Variants in NEGR1 observed in about 807,000 individuals in gnomAD.
The protein encoded by NEGR1 is neuronal growth regulator 1.
NEGR1 carries 10 observed loss-of-function variants against 40.9 expected under a neutral mutation model. The observed-to-expected ratio is 0.24, with a 90% CI of 0.15 to 0.42. The LOEUF (loss-of-function observed/expected upper bound fraction) is 0.42. Among genes scored for constraint, NEGR1 ranks in the 10% least tolerant of loss-of-function variants. The pLI is 1.00. For synonymous variants in NEGR1, 185 were observed against 166.8 expected (o/e 1.11, Z -0.84); for missense variants, 352 against 438.9 (o/e 0.80, Z 1.77).
chr1:71,508,674 TCA>T (rs1483617547), intron 6 of NEGR1, among the ~76,000 whole-genome samples: 1 of 152,212 alleles, frequency 6.6e-6, no homozygotes, highest in African/African-American at 2.4e-5. Context: ...CAGTAGGGCA[TCA>T]CCCTGCCGCA....
chr1:72,276,160 T>G (rs1431279799), intron 1 of NEGR1, among the ~76,000 whole-genome samples: 2 of 152,042 alleles, frequency 1.3e-5, no homozygotes, highest in African/African-American at 4.8e-5. Context: ...ATTTCTGCAA[T>G]TTTGAAACAA....
intron 1 of NEGR1, among the ~76,000 whole-genome samples, chr1:72,247,770 A>C (rs1297523610): frequency 1.3e-5 from 2 of 151,994 alleles, no homozygotes; most frequent in Admixed American, 6.6e-5. Flanking sequence ...TTATTGTCCC[A>C]CCTACAGTAC....
intron 1 of NEGR1, chr1:72,274,585 G>A: frequency 1.3e-6 from 1 of 775,096 alleles, no homozygotes. Context: ...GGCAAGATAT[G>A]GCGAAAGCCC....
At chr1:72,220,150 C>A (rs1653963486) in intron 1 of NEGR1, among the ~76,000 whole-genome samples, 1 of 151,844 alleles carries the variant, frequency 6.6e-6, no homozygotes, top group Non-Finnish European at 1.5e-5. Context: ...TCTATAGTTA[C>A]AATTACCAAT....
chr1:72,102,553 T>C (rs1648986752), intron 1 of NEGR1, among the ~76,000 whole-genome samples: 1 of 152,052 alleles, frequency 6.6e-6, no homozygotes, highest in South Asian at 2.1e-4. Flanking sequence ...CCTAGGTCGG[T>C]AATCATGCTG....
chr1:71,851,750 CTTTG>C (rs1273825754), intron 2 of NEGR1, among the ~76,000 whole-genome samples: 1 of 151,924 alleles, frequency 6.6e-6, no homozygotes, highest in Non-Finnish European at 1.5e-5. Flanking sequence ...CTATTTACTT[CTTTG>C]TTTGCTCATT....
chr1:71,956,832 C>T (rs1646123559), intron 1 of NEGR1, among the ~76,000 whole-genome samples: 2 of 152,086 alleles, frequency 1.3e-5, no homozygotes, highest in Admixed American at 1.3e-4. Context: ...TATTCTGCCA[C>T]CAACTAACTG....
chr1:71,418,882 T>C (rs1646374567), intron 6 of NEGR1, among the ~76,000 whole-genome samples: 1 of 152,226 alleles, frequency 6.6e-6, no homozygotes, highest in African/African-American at 2.4e-5. Context: ...AATAAGGGCT[T>C]AATAAATAAT....
At chr1:71,446,682 T>C (rs1646584552) in intron 6 of NEGR1, among the ~76,000 whole-genome samples, 1 of 152,228 alleles carries the variant, frequency 6.6e-6, no homozygotes, top group South Asian at 2.1e-4. Context: ...TTCATTCTTC[T>C]TTCCGATGTA....
At chr1:71,568,802 ATGTGTG>A (rs10603050) in intron 6 of NEGR1, among the ~76,000 whole-genome samples, 1 of 148,534 alleles carries the variant, frequency 6.7e-6, no homozygotes, top group Non-Finnish European at 1.5e-5. Context: ...TTTTATATGT[ATGTGTG>A]TGTATGTGTA....
At chr1:71,448,001 T>G (rs1646594580) in intron 6 of NEGR1, among the ~76,000 whole-genome samples, 1 of 152,208 alleles carries the variant, frequency 6.6e-6, no homozygotes, top group Non-Finnish European at 1.5e-5. Flanking sequence ...ACTTGCATTT[T>G]TAATCCTTTC....
At chr1:71,750,344 A>G (rs1036245147) in intron 3 of NEGR1, among the ~76,000 whole-genome samples, 1 of 152,182 alleles carries the variant, frequency 6.6e-6, no homozygotes, top group African/African-American at 2.4e-5. Flanking sequence ...TCTTTGCCCT[A>G]TATGAGCAAA....
chr1:71,807,043 C>A (rs1657802553), intron 2 of NEGR1, among the ~76,000 whole-genome samples: 1 of 152,036 alleles, frequency 6.6e-6, no homozygotes, highest in South Asian at 2.1e-4. Context: ...CAGGCGCCTG[C>A]CACAATGCCC....
At chr1:72,072,375 G>C (rs1436530454) in intron 1 of NEGR1, among the ~76,000 whole-genome samples, 2 of 152,152 alleles carry the variant, frequency 1.3e-5, no homozygotes, top group Non-Finnish European at 2.9e-5. Flanking sequence ...TGATTAAATA[G>C]GAAATATTTT....
chr1:71,435,401 A>G (rs538390198), intron 6 of NEGR1, among the ~76,000 whole-genome samples: 37 of 152,306 alleles, frequency 2.4e-4, no homozygotes, highest in Middle Eastern at 6.8e-3. Context: ...AAATGCCAAG[A>G]TAACGAGAGA....
At chr1:71,727,098 A>T (rs1654699810) in intron 3 of NEGR1, among the ~76,000 whole-genome samples, 7 of 152,098 alleles carry the variant, frequency 4.6e-5, no homozygotes, top group Admixed American at 4.6e-4. Context: ...AATAATCAAT[A>T]GCTCCAATTA....
chr1:71,832,410 T>G (rs1179883924), intron 2 of NEGR1, among the ~76,000 whole-genome samples: 1 of 151,936 alleles, frequency 6.6e-6, no homozygotes, highest in Non-Finnish European at 1.5e-5. Context: ...TGATGAACTC[T>G]TACAAAAAGA....
intron 1 of NEGR1, among the ~76,000 whole-genome samples, chr1:72,221,144 C>A (rs892158968): frequency 2.0e-5 from 3 of 152,042 alleles, no homozygotes; most frequent in African/African-American, 7.2e-5. Flanking sequence ...CATTCCTTGG[C>A]CTACAGCTAT....
intron 2 of NEGR1, among the ~76,000 whole-genome samples, chr1:71,825,119 C>T (rs1267760632): frequency 6.6e-6 from 1 of 151,870 alleles, no homozygotes; most frequent in Non-Finnish European, 1.5e-5. Context: ...TCACCAGTAG[C>T]TCTAATTGTT....
Sources: gnomAD v4.1 joint callset for allele counts (sites outside exome capture counted in the v4.1 genomes callset) on GRCh38, gnomAD v4.1.1 for gene constraint, MANE v1.5 for transcripts, NCBI Gene and HGNC (gene_info 2026-07-23, HGNC 2026-07-21) for gene names.